Variants in KSR2 observed in about 807,000 individuals in gnomAD.
KSR2 encodes kinase suppressor of ras 2.
KSR2 carries 25 observed loss-of-function variants against 107.8 expected under a neutral mutation model. The ratio of observed to expected loss-of-function variants is 0.23; its 90% CI spans 0.17 to 0.32. The LOEUF is 0.32. Ranked by LOEUF, KSR2 falls within the 10% of genes least tolerant of loss-of-function variation. KSR2 has a pLI of 1.00. For synonymous variants in KSR2, 480 were observed against 507.0 expected (o/e 0.95, Z 0.71); for missense variants, 887 against 1,268.9 (o/e 0.70, Z 4.57).
intron 5 of KSR2, among the ~76,000 whole-genome samples, chr12:117,663,365 T>A (rs1418783062): frequency 6.6e-6 from 1 of 152,242 alleles, no homozygotes; most frequent in Non-Finnish European, 1.5e-5. Flanking sequence ...AGTACCTACC[T>A]TATAGAGGAT....
chr12:117,836,524 C>T (rs1892219888), intron 3 of KSR2, among the ~76,000 whole-genome samples: 1 of 152,158 alleles, frequency 6.6e-6, no homozygotes, highest in Non-Finnish European at 1.5e-5. Context: ...AACATCACAA[C>T]ACTAAAAGAC....
chr12:117,823,274 G>C (rs1891628470), intron 3 of KSR2, among the ~76,000 whole-genome samples: 1 of 152,138 alleles, frequency 6.6e-6, no homozygotes, highest in Admixed American at 6.6e-5. Flanking sequence ...GATGAATCTG[G>C]TTCCAAGTCC....
intron 5 of KSR2, among the ~76,000 whole-genome samples, chr12:117,586,629 A>AAAAGAAACAAAGAAAGAAAGAAAGAAAG: frequency 7.2e-6 from 1 of 138,394 alleles, no homozygotes; most frequent in South Asian, 2.4e-4. Flanking sequence ...AAAAGAAAGA[A>AAAAGAAACAAAGAAAGAAAGAAAGAAAG]AAAGAAAGAA....
intron 1 of KSR2, among the ~76,000 whole-genome samples, chr12:117,945,782 C>A (rs1448800938): frequency 5.3e-5 from 8 of 152,032 alleles, no homozygotes; most frequent in Non-Finnish European, 1.2e-4. Flanking sequence ...AAGAAAGGAC[C>A]AAGGCAATGA....
chr12:117,767,189 G>A (rs915293930), intron 3 of KSR2, among the ~76,000 whole-genome samples: 3 of 151,334 alleles, frequency 2.0e-5, no homozygotes, highest in South Asian at 2.1e-4. Flanking sequence ...CGAGATGGGC[G>A]GATCACGAGG....
At chr12:117,701,591 T>G (rs886924375) in intron 4 of KSR2, among the ~76,000 whole-genome samples, 4 of 151,376 alleles carry the variant, frequency 2.6e-5, no homozygotes, top group African/African-American at 9.7e-5. Flanking sequence ...AAAAGGGGGG[T>G]CCTTATAGAC....
At chr12:117,473,521 C>A (rs1871603062) in intron 17 of KSR2, among the ~76,000 whole-genome samples, 1 of 152,084 alleles carries the variant, frequency 6.6e-6, no homozygotes, top group South Asian at 2.1e-4. Flanking sequence ...ATTTAAGAGT[C>A]CTTTGTAATC....
chr12:117,919,931 C>T (rs1566082092), intron 1 of KSR2, among the ~76,000 whole-genome samples: 2 of 152,142 alleles, frequency 1.3e-5, no homozygotes, highest in Admixed American at 6.5e-5. Context: ...CATATCCTAG[C>T]CTATGCTGAT....
At chr12:117,631,001 G>A (rs1177078446) in intron 5 of KSR2, among the ~76,000 whole-genome samples, 1 of 152,168 alleles carries the variant, frequency 6.6e-6, no homozygotes, top group Non-Finnish European at 1.5e-5. Context: ...GAGACGGGCT[G>A]TAGAATAAGA....
At chr12:117,796,645 C>T (rs115021544) in intron 3 of KSR2, among the ~76,000 whole-genome samples, 56 of 152,290 alleles carry the variant, frequency 3.7e-4, no homozygotes, top group African/African-American at 1.3e-3. Flanking sequence ...GGCTCAGTTT[C>T]CTCAGCTGTG....
intron 5 of KSR2, among the ~76,000 whole-genome samples, chr12:117,615,642 C>T (rs1881836872): frequency 6.6e-6 from 1 of 152,100 alleles, no homozygotes; most frequent in Admixed American, 6.5e-5. Context: ...AAGCCAGCAC[C>T]AACTTGCCAT....
chr12:117,754,945 A>T (rs1034778000), intron 4 of KSR2, among the ~76,000 whole-genome samples: 3 of 152,228 alleles, frequency 2.0e-5, no homozygotes, highest in Non-Finnish European at 4.4e-5. Flanking sequence ...TGAAACTCAG[A>T]TTCATTCCAT....
chr12:117,625,830 T>C (rs1249231280), intron 5 of KSR2, among the ~76,000 whole-genome samples: 4 of 152,194 alleles, frequency 2.6e-5, no homozygotes, highest in Non-Finnish European at 5.9e-5. Context: ...ATCCATCTGG[T>C]CCTGGACTTT....
At chr12:117,672,952 C>G (rs1884975999) in intron 4 of KSR2, among the ~76,000 whole-genome samples, 1 of 152,208 alleles carries the variant, frequency 6.6e-6, no homozygotes, top group Non-Finnish European at 1.5e-5. Context: ...TTTCAATCCA[C>G]CATGGCCCTT....
intron 7 of KSR2, among the ~76,000 whole-genome samples, chr12:117,563,250 A>G (rs544561284): frequency 6.6e-6 from 1 of 152,352 alleles, no homozygotes; most frequent in South Asian, 2.1e-4. Context: ...GCAAATTTTA[A>G]GCAAGCACAC....
At chr12:117,770,280 G>A (rs1167915093) in intron 3 of KSR2, among the ~76,000 whole-genome samples, 1 of 152,136 alleles carries the variant, frequency 6.6e-6, no homozygotes, top group Non-Finnish European at 1.5e-5. Flanking sequence ...ATAAGACGAG[G>A]AGAAGACACA....
chr12:117,941,481 C>T (rs536933489), intron 1 of KSR2, among the ~76,000 whole-genome samples: 14 of 152,226 alleles, frequency 9.2e-5, no homozygotes, highest in South Asian at 4.2e-4. Flanking sequence ...CTTCCAGCCT[C>T]TTAGCTCATC....
At chr12:117,713,988 T>C (rs945545039) in intron 4 of KSR2, among the ~76,000 whole-genome samples, 2 of 152,098 alleles carry the variant, frequency 1.3e-5, no homozygotes, top group Admixed American at 6.6e-5. Flanking sequence ...CAAATTATAT[T>C]TCATCCTTTT....
At chr12:117,481,020 C>T (rs1872143733) in intron 16 of KSR2, among the ~76,000 whole-genome samples, 1 of 152,032 alleles carries the variant, frequency 6.6e-6, no homozygotes, top group Admixed American at 6.6e-5. Context: ...CGTGATTGCA[C>T]TACTGCATTC....
Sources: gnomAD v4.1 joint callset for allele counts (sites outside exome capture counted in the v4.1 genomes callset) on GRCh38, gnomAD v4.1.1 for gene constraint, MANE v1.5 for transcripts, NCBI Gene and HGNC (gene_info 2026-07-23, HGNC 2026-07-21) for gene names.